Variants in ORMDL2 observed in about 807,000 individuals in gnomAD.
ORMDL2 encodes ORMDL sphingolipid biosynthesis regulator 2, also known as ORM1-like protein 2.
ORMDL2 carries 11 observed loss-of-function variants against 13.5 expected under a neutral mutation model. The ratio of observed to expected loss-of-function variants is 0.82; its 90% CI spans 0.51 to 1.35. The LOEUF is 1.35. ORMDL2 is among the 40% of genes most tolerant of loss of function. ORMDL2 has a pLI of 0.00. For synonymous variants in ORMDL2, 73 were observed against 76.5 expected (o/e 0.95, Z 0.24); for missense variants, 160 against 191.1 (o/e 0.84, Z 0.96).
chr12:55,818,085 A>G lies in ORMDL2; in HGVS notation c.-29A>G, dbSNP rs566653742. 3 of 509,494 alleles carry G rather than the reference A, an allele frequency of 5.9e-6. No individual in the cohort carries two copies. Among genetic ancestry groups the G allele is most frequent in the South Asian group, 3.1e-5 (2 of 65,026 alleles). The allele number at this position is 509,494 out of a possible 1,614,324, so 31.6% of individuals were successfully genotyped here. ...AGGTGTGGTAGCCGGCGCCGCGCCC[A>G]TAGCCGGACGGGGATCTGAGCTGGC... On this transcript the variant is annotated 5_prime_UTR_variant, in exon 1 of 4. Transcript: ENST00000243045.
At chr12:55,818,868 T>G in intron 1 of ORMDL2, 131 bp from the exon 2 acceptor site, 2 of 719,522 alleles carry the variant, frequency 2.8e-6, no homozygotes, top group Admixed American at 5.8e-5. Context: ...ATTTTCTGCG[T>G]GATGGGTAAG....
Position 55,821,878 on chromosome 12 carries a change from C to A in ORMDL2, c.*1483C>A. 1.6e-6 allele frequency: 2 copies of A among 1,261,424 alleles called. No homozygotes were observed. The highest frequency in any genetic ancestry group is 1.1e-6 in the Non-Finnish European group (1 of 921,358). 78.1% of individuals were successfully genotyped at this position (1,261,424 alleles called of 1,614,324 possible). On this transcript the variant is annotated 3_prime_UTR_variant, in exon 4 of 4. Transcript: ENST00000243045. ...CTCAAAAAATAAAAAGAAAAAGATT[C>A]AGTTCCTAGGTGTTGGGGGAGGAGG...
intron 3 of ORMDL2, among the ~76,000 whole-genome samples, chr12:55,819,862 T>C (rs1328512704): frequency 6.6e-6 from 1 of 152,188 alleles, no homozygotes; most frequent in Non-Finnish European, 1.5e-5. Context: ...CAGACTGAAA[T>C]AGCTTGAGCC....
chr12:55,820,522 CCCAGA>C lies in ORMDL2; in HGVS notation c.*129_*133del, dbSNP rs1411226694. 9 of 1,117,682 alleles carry C rather than the reference CCCAGA, an allele frequency of 8.1e-6. No individual in the cohort carries two copies. The highest frequency in any genetic ancestry group is 1.2e-5 in the Non-Finnish European group (9 of 743,572). 69.2% of individuals were successfully genotyped at this position (1,117,682 alleles called of 1,614,324 possible). A position where few individuals can be genotyped will look rare whatever the true frequency, so the allele number is the denominator to read the frequency against. On this transcript the variant is annotated 3_prime_UTR_variant, in exon 4 of 4. Coordinates refer to ENST00000243045, the MANE Select transcript of ORMDL2 (RefSeq NM_014182.5). ...AAAGCCTGAGAACTATACAACCTTT[CCCAGA>C]CTCCCAAGAAGAGAAGAGATTGGCA...
rs1565687452 is a variant in ORMDL2, at chr12:55,819,437, C to T, written c.270C>T (p.Asp90=). 6.2e-7 allele frequency: 1 copy of T among 1,614,146 alleles called. No homozygotes were observed. Among genetic ancestry groups the T allele is most frequent in the Non-Finnish European group, 8.5e-7 (1 of 1,180,012 alleles). Residue 90 remains aspartate, a synonymous_variant, in exon 3 of 4, where the codon GAC becomes GAT. Transcript: ENST00000243045. The part of the protein sequence containing the change: ...ARLLTHWEQM[D]YGLQFTSSRK... ...TACTGACACACTGGGAGCAAATGGA[C>T]TATGGGCTCCAGTTTACCTCTTCCC...
At position 55,819,479 on chromosome 12, in the gene ORMDL2, C is replaced by T; in HGVS notation, c.312C>T (p.Ile104=). 6.2e-7 allele frequency: 1 copy of T among 1,614,042 alleles called. No individual in the cohort carries two copies. Among genetic ancestry groups the T allele is most frequent in the East Asian group, 2.2e-5 (1 of 44,876 alleles). The change falls in exon 3 of 4, where the codon ATC becomes ATT. Residue 104 remains isoleucine (I), a synonymous_variant. Transcript: ENST00000243045. The stretch of plus-strand genomic sequence containing the variant: ...CCTCTTCCCGCAAGTTCCTCAGCAT[C>T]TCTCCTATTGTGCTGTGAGTCTATG... ...QFTSSRKFLS[I]SPIVLYLLAS...
chr12:55,818,217 GA>G, intron 1 of ORMDL2, 105 bp downstream of exon 1: 5 of 353,546 alleles, frequency 1.4e-5, no homozygotes, highest in South Asian at 9.5e-5. Context: ...GCGCTGAAGG[GA>G]GCCCTGAAAA....
intron 3 of ORMDL2, 42 bp downstream of exon 3, chr12:55,819,535 G>A (rs768689091): frequency 2.9e-5 from 46 of 1,583,230 alleles, no homozygotes; most frequent in Admixed American, 3.5e-5. Context: ...GTTAGAAAGA[G>A]CTCCAAGAGC....
chr12:55,818,286 C>G (rs1381015975), intron 1 of ORMDL2, 174 bp downstream of exon 1: 40 of 145,472 alleles, frequency 2.7e-4, no homozygotes, highest in South Asian at 1.4e-3. Context: ...AAGGAACTGG[C>G]GGTGGGGCTG....
Position 55,819,135 on chromosome 12 carries a change from C to G in ORMDL2, c.136C>G (p.Pro46Ala). Residue 46 changes from proline (P) to alanine (A), a missense_variant, in exon 2 of 4, where the codon CCT (proline) becomes GCT (alanine). Coordinates refer to ENST00000243045, the MANE Select transcript of ORMDL2 (RefSeq NM_014182.5). ...VLLSIPFFSI[P>A]VVWTLTNVIH... is the part of the protein sequence containing the mutation. ...ACTCAGCATCCCCTTCTTCAGCATTCCTGTTGTCTGGACCCTGACCAACGT... is the reference window on the plus strand; with the variant it reads ...ACTCAGCATCCCCTTCTTCAGCATTGCTGTTGTCTGGACCCTGACCAACGT... The G allele has an allele frequency of 1.2e-6, 2 of 1,614,134 alleles. No individual in the cohort carries two copies. Among genetic ancestry groups the G allele is most frequent in the Middle Eastern group, 1.7e-4 (1 of 6,060 alleles).
chr12:55,818,653 A>G (rs1053104961), intron 1 of ORMDL2: 4 of 233,242 alleles, frequency 1.7e-5, no homozygotes, highest in Non-Finnish European at 3.4e-5. Context: ...TTCTGGGTGT[A>G]CGTGACCTCT....
intron 3 of ORMDL2, 77 bp from the exon 4 acceptor site, chr12:55,820,183 G>A: frequency 1.5e-6 from 2 of 1,372,140 alleles, no homozygotes; most frequent in Non-Finnish European, 1.0e-6. Context: ...AACATGGTGA[G>A]AACTGTCTCT....
In ORMDL2 at chr12:55,820,475, C is replaced by T; in HGVS notation, c.*80C>T. On this transcript the variant is annotated 3_prime_UTR_variant, in exon 4 of 4. Transcript: ENST00000243045. ...CTATAAAACATCCTTCTCTTATTCT[C>T]CATACTGTCTTCTACACCTTTAAAG... is the stretch of plus-strand genomic sequence containing the variant. The T allele has an allele frequency of 6.8e-7, 1 of 1,462,970 alleles. No individual in the cohort carries two copies. The highest frequency in any genetic ancestry group is 9.6e-7 in the Non-Finnish European group (1 of 1,042,366). The allele number at this position is 1,462,970 out of a possible 1,614,324, so 90.6% of individuals were successfully genotyped here.
rs955410010 is a variant in ORMDL2, at chr12:55,820,275, C to G, written c.342C>G (p.Ser114Arg). Residue 114 changes from serine (S) to arginine (R), a missense_variant, in exon 4 of 4, where the codon AGC (serine) becomes AGG (arginine). Transcript: ENST00000243045. ...ISPIVLYLLA[S>R]FYTKYDAAHF... is the part of the protein sequence containing the mutation. ...CTCTCCCCAGCTATCTCCTGGCCAG[C>G]TTCTATACCAAGTATGATGCTGCGC... is the stretch of plus-strand genomic sequence containing the variant. 1.7e-5 allele frequency: 27 copies of G among 1,613,376 alleles called. No homozygotes were observed. The highest frequency in any genetic ancestry group is 2.2e-5 in the Non-Finnish European group (26 of 1,179,706).
intron 3 of ORMDL2, among the ~76,000 whole-genome samples, 188 bp from the exon 4 acceptor site, chr12:55,820,072 C>G (rs1054097586): frequency 6.6e-6 from 1 of 152,140 alleles, no homozygotes; most frequent in Non-Finnish European, 1.5e-5. Flanking sequence ...GGAGTCCCAG[C>G]TACTTGGGAG....
At chr12:55,818,787 A>G in intron 1 of ORMDL2, 1 of 561,636 alleles carries the variant, frequency 1.8e-6, no homozygotes, top group Non-Finnish European at 3.2e-6. Context: ...CAGAGCAATA[A>G]TGACTATGTC....
intron 1 of ORMDL2, 67 bp from the exon 2 acceptor site, chr12:55,818,932 G>C: frequency 1.5e-6 from 2 of 1,374,768 alleles, no homozygotes; most frequent in Non-Finnish European, 2.0e-6. Flanking sequence ...AGACAACTGG[G>C]AGATAGCTCA....
Position 55,820,703 on chromosome 12 carries a change from C to T in ORMDL2, c.*308C>T, listed in dbSNP as rs990052175. The T allele has an allele frequency of 2.0e-5, 7 of 342,462 alleles. No homozygotes were observed. The highest frequency in any genetic ancestry group is 1.4e-4 in the African/African-American group (7 of 48,406). The allele number at this position is 342,462 out of a possible 1,614,324, so 21.2% of individuals were successfully genotyped here. ...CATCTTTCCATATCTTTTACACTTA[C>T]CACCTTCCAGCTCTGTTTTGCTGTG... is the stretch of plus-strand genomic sequence containing the variant. On this transcript the variant is annotated 3_prime_UTR_variant, in exon 4 of 4. Coordinates refer to ENST00000243045, the MANE Select transcript of ORMDL2 (RefSeq NM_014182.5).
rs148318131 is a variant in ORMDL2 at position 55,821,262 on chromosome 12, T to C, written c.*867T>C. 1.8e-4 allele frequency: 28 copies of C among 152,588 alleles called. No individual in the cohort carries two copies. In the East Asian group the frequency reaches 5.4e-3, roughly 30 times the overall value. 9.5% of individuals were successfully genotyped at this position (152,588 alleles called of 1,614,324 possible). The stretch of plus-strand genomic sequence containing the variant: ...AATTCAGTTTCCAGTCTCTGAACTC[T>C]ATGCGATAATCTCCTATCATTAGGG... On this transcript the variant is annotated 3_prime_UTR_variant, in exon 4 of 4. Transcript: ENST00000243045.
Sources: gnomAD v4.1 joint callset for allele counts (sites outside exome capture counted in the v4.1 genomes callset) on GRCh38, gnomAD v4.1.1 for gene constraint, MANE v1.5 for transcripts, NCBI Gene and HGNC (gene_info 2026-07-23, HGNC 2026-07-21) for gene names.